PPP3CA: variants seen among roughly 807,000 people sequenced by gnomAD.
The protein encoded by PPP3CA is protein phosphatase 3 catalytic subunit alpha, also known as CAM-PRP catalytic subunit.
Under a neutral mutation model 66.5 loss-of-function variants are expected in PPP3CA, and 14 were observed. The observed-to-expected ratio is 0.21, with a 90% CI of 0.14 to 0.33. The LOEUF (loss-of-function observed/expected upper bound fraction) is 0.33. Among genes scored for constraint, PPP3CA ranks in the 10% least tolerant of loss-of-function variants. The pLI is 1.00. For synonymous variants in PPP3CA, 232 were observed against 226.2 expected, an observed-to-expected ratio of 1.03 and a Z score of -0.23; for missense variants, 317 against 639.5, an observed-to-expected ratio of 0.50 and a Z score of 5.44.
chr4:101,296,244 G>A (rs969486670), intron 1 of PPP3CA, among the ~76,000 whole-genome samples: 1 of 152,032 alleles, frequency 6.6e-6, no homozygotes, highest in Non-Finnish European at 1.5e-5. Flanking sequence ...AAATTTTAAA[G>A]CATTTTAAAT....
intron 1 of PPP3CA, among the ~76,000 whole-genome samples, chr4:101,276,339 G>A (rs529138923): frequency 6.6e-6 from 1 of 152,198 alleles, no homozygotes; most frequent in Admixed American, 6.5e-5. Flanking sequence ...AGAAGTAATT[G>A]GTGTCAAGAT....
intron 2 of PPP3CA, among the ~76,000 whole-genome samples, chr4:101,128,076 C>T (rs1722303605): frequency 6.6e-6 from 1 of 152,148 alleles, no homozygotes; most frequent in South Asian, 2.1e-4. Flanking sequence ...AAAGGCATCC[C>T]TCACATAGAG....
intron 1 of PPP3CA, among the ~76,000 whole-genome samples, chr4:101,336,954 T>G (rs1391383116): frequency 6.6e-6 from 1 of 152,136 alleles, no homozygotes; most frequent in East Asian, 1.9e-4. Context: ...GTGTAAGAGA[T>G]CAAAGGTCTC....
intron 1 of PPP3CA, among the ~76,000 whole-genome samples, chr4:101,308,807 C>T (rs762378557): frequency 6.6e-6 from 1 of 152,128 alleles, no homozygotes; most frequent in Non-Finnish European, 1.5e-5. Context: ...GTAAAACATA[C>T]TTTCTGCAAT....
chr4:101,053,270 A>G (rs1000976154), intron 10 of PPP3CA, among the ~76,000 whole-genome samples: 4 of 152,124 alleles, frequency 2.6e-5, no homozygotes, highest in Non-Finnish European at 5.9e-5. Flanking sequence ...ATCTCTTTCA[A>G]CAATCTGATG....
At chr4:101,339,203 T>A (rs1282405756) in intron 1 of PPP3CA, among the ~76,000 whole-genome samples, 1 of 152,222 alleles carries the variant, frequency 6.6e-6, no homozygotes, top group African/African-American at 2.4e-5. Context: ...TATTGAGATG[T>A]AAACAGGGAA....
chr4:101,088,367 C>T (rs541097121), intron 6 of PPP3CA, among the ~76,000 whole-genome samples: 115 of 151,928 alleles, frequency 7.6e-4, no homozygotes, highest in African/African-American at 9.7e-4. Flanking sequence ...GGGTGGATCA[C>T]GAGGTCAGGA....
At chr4:101,173,290 G>A (rs891456077) in intron 2 of PPP3CA, among the ~76,000 whole-genome samples, 4 of 152,028 alleles carry the variant, frequency 2.6e-5, no homozygotes, top group African/African-American at 7.2e-5. Context: ...TAGGCAGGGT[G>A]TTTATTTGGC....
intron 1 of PPP3CA, among the ~76,000 whole-genome samples, chr4:101,312,393 T>C (rs559516481): frequency 9.9e-5 from 15 of 152,116 alleles, no homozygotes; most frequent in Admixed American, 7.2e-4. Context: ...ATAAGACATA[T>C]ATAGAAAGCT....
At chr4:101,240,114 C>T (rs140061397) in intron 1 of PPP3CA, among the ~76,000 whole-genome samples, 2 of 151,738 alleles carry the variant, frequency 1.3e-5, no homozygotes, top group African/African-American at 4.8e-5. Context: ...AATTTTATTG[C>T]TATAGTTCTG....
intron 1 of PPP3CA, among the ~76,000 whole-genome samples, chr4:101,276,561 C>A (rs943897387): frequency 1.3e-5 from 2 of 152,088 alleles, no homozygotes; most frequent in Non-Finnish European, 2.9e-5. Context: ...ATTTGTCAGG[C>A]AGTTTGTTTA....
intron 4 of PPP3CA, 117 bp from the exon 5 acceptor site, chr4:101,098,629 AT>A (rs1329750902): frequency 1.2e-6 from 1 of 845,236 alleles, no homozygotes; most frequent in Non-Finnish European, 1.8e-6. Flanking sequence ...ATAAAGGCAC[AT>A]ACTACAAAAT....
At chr4:101,146,482 G>A (rs552785493) in intron 2 of PPP3CA, among the ~76,000 whole-genome samples, 1 of 151,004 alleles carries the variant, frequency 6.6e-6, no homozygotes, top group African/African-American at 2.4e-5. Context: ...TCGCTCTGTC[G>A]CCCAGACTGG....
At chr4:101,330,814 A>T (rs559942081) in intron 1 of PPP3CA, among the ~76,000 whole-genome samples, 1 of 152,296 alleles carries the variant, frequency 6.6e-6, no homozygotes, top group South Asian at 2.1e-4. Context: ...CTAGGGGAAA[A>T]ACTTAAGGTC....
chr4:101,244,789 A>G (rs1173993492), intron 1 of PPP3CA, among the ~76,000 whole-genome samples: 3 of 152,208 alleles, frequency 2.0e-5, no homozygotes, highest in Non-Finnish European at 2.9e-5. Context: ...TTACTATGCA[A>G]TTTATACCTG....
At chr4:101,326,605 T>C (rs1729216188) in intron 1 of PPP3CA, among the ~76,000 whole-genome samples, 1 of 152,200 alleles carries the variant, frequency 6.6e-6, no homozygotes, top group African/African-American at 2.4e-5. Context: ...CTAGACTAGA[T>C]TCCATCACAA....
intron 2 of PPP3CA, among the ~76,000 whole-genome samples, chr4:101,160,721 CAA>C (rs1578507440): frequency 6.6e-6 from 1 of 152,000 alleles, no homozygotes; most frequent in African/African-American, 2.4e-5. Context: ...TTTTATATAT[CAA>C]GAGTATAACT....
At chr4:101,160,729 T>C (rs1448229914) in intron 2 of PPP3CA, among the ~76,000 whole-genome samples, 1 of 152,124 alleles carries the variant, frequency 6.6e-6, no homozygotes, top group Admixed American at 6.5e-5. Context: ...ATCAAGAGTA[T>C]AACTATTCTT....
At chr4:101,197,653 T>G (rs961279024) in intron 1 of PPP3CA, among the ~76,000 whole-genome samples, 2 of 152,210 alleles carry the variant, frequency 1.3e-5, no homozygotes, top group African/African-American at 4.8e-5. Context: ...AGAGTATTTA[T>G]TTTATGCCAG....
Sources: allele counts gnomAD v4.1 joint callset (sites outside exome capture counted in the v4.1 genomes callset), GRCh38; gene constraint gnomAD v4.1.1; transcripts MANE v1.5; gene names NCBI Gene and HGNC (gene_info 2026-07-23, HGNC 2026-07-21).